SNTB2: variants seen among roughly 807,000 people sequenced by gnomAD.
The protein encoded by SNTB2 is beta-2-syntrophin.
A neutral mutation model predicts 46.2 loss-of-function variants in SNTB2; 34 were observed. The ratio of observed to expected loss-of-function variants is 0.74; its 90% CI spans 0.56 to 0.98. SNTB2 has a LOEUF of 0.98. Among genes scored for constraint, SNTB2 ranks in the 50% least tolerant of loss-of-function variants. The pLI, the probability that SNTB2 is intolerant of heterozygous loss-of-function variation, is 0.00. For missense variants in SNTB2, 603 were observed against 731.4 expected (o/e 0.82, Z 2.02); for synonymous variants, 290 against 312.6 (o/e 0.93, Z 0.76).
At chr16:69,244,606 A>G (rs904417513) in intron 1 of SNTB2, among the ~76,000 whole-genome samples, 3 of 152,202 alleles carry the variant, frequency 2.0e-5, no homozygotes, top group Non-Finnish European at 2.9e-5. Flanking sequence ...CAAGTATTTT[A>G]TGAGTTTTAA....
At chr16:69,219,776 G>T (rs1013458397) in intron 1 of SNTB2, among the ~76,000 whole-genome samples, 3 of 150,434 alleles carry the variant, frequency 2.0e-5, no homozygotes. Context: ...TTTGGAGATG[G>T]AGTCTCACTG....
intron 1 of SNTB2, among the ~76,000 whole-genome samples, chr16:69,197,211 A>G (rs942873099): frequency 3.9e-5 from 6 of 152,242 alleles, no homozygotes; most frequent in African/African-American, 1.4e-4. Context: ...TTCATACATT[A>G]TAAGTGGTAG....
rs190670605 is a variant in SNTB2 at position 69,288,679 on chromosome 16, T to C, written c.1345+4435T>C. 9.6e-4 allele frequency among the ~76,000 whole-genome samples: 147 copies of C among 152,344 alleles called. 2 individuals are homozygous for C. Among genetic ancestry groups the C allele is most frequent in the Middle Eastern group, 6.8e-3 (2 of 294 alleles). The stretch of plus-strand genomic sequence containing the variant: ...GAACTACTGTATGATCTAGCAATCC[T>C]ACTATTGAGTATTTATCCAAAAGAA... On this transcript the variant is annotated intron_variant, in intron 5 of 6. Coordinates refer to ENST00000336278, the MANE Select transcript of SNTB2 (RefSeq NM_006750.4).
At chr16:69,231,385 TG>T (rs1964504953) in intron 1 of SNTB2, among the ~76,000 whole-genome samples, 1 of 151,886 alleles carries the variant, frequency 6.6e-6, no homozygotes, top group African/African-American at 2.4e-5. Flanking sequence ...GGTGGGGAGA[TG>T]GAGACCAGCC....
intron 2 of SNTB2, among the ~76,000 whole-genome samples, chr16:69,259,600 A>G (rs1410593245): frequency 5.3e-5 from 7 of 132,850 alleles, no homozygotes; most frequent in Non-Finnish European, 4.8e-5. Context: ...AAGAGAAAGT[A>G]TCTTTTTTTT....
At chr16:69,270,371 G>T in intron 4 of SNTB2, 86 bp downstream of exon 4, 1 of 1,532,100 alleles carries the variant, frequency 6.5e-7, no homozygotes, top group Non-Finnish European at 8.9e-7. Context: ...TGTTATCTTA[G>T]GTGCCTAAAA....
At chr16:69,219,713 ATTTTATTTTG>A (rs1424162502) in intron 1 of SNTB2, among the ~76,000 whole-genome samples, 4,323 of 148,262 alleles carry the variant, frequency 0.029, 197 homozygotes, top group African/African-American at 0.1. Context: ...ACCAGATTTT[ATTTTATTTTG>A]TTTTGTTTTG....
intron 1 of SNTB2, among the ~76,000 whole-genome samples, chr16:69,200,376 A>G (rs562697198): frequency 1.4e-4 from 22 of 152,182 alleles, no homozygotes; most frequent in African/African-American, 5.1e-4. Flanking sequence ...CAGGCATTCT[A>G]CTCCTCCAGA....
intron 5 of SNTB2, among the ~76,000 whole-genome samples, chr16:69,284,459 T>TAAAAAAAAAAAA (rs3087058): frequency 4.4e-5 from 2 of 45,866 alleles, no homozygotes; most frequent in African/African-American, 1.7e-4. Context: ...CCGTCTTTAC[T>TAAAAAAAAAAAA]AAAAAAAAAA....
At chr16:69,215,721 C>T (rs1964340124) in intron 1 of SNTB2, among the ~76,000 whole-genome samples, 1 of 152,146 alleles carries the variant, frequency 6.6e-6, no homozygotes, top group African/African-American at 2.4e-5. Context: ...CTTTAGAGTC[C>T]TGGCTTGCTT....
intron 2 of SNTB2, among the ~76,000 whole-genome samples, chr16:69,255,709 C>G (rs1411569763): frequency 6.6e-6 from 1 of 151,370 alleles, no homozygotes; most frequent in African/African-American, 2.4e-5. Flanking sequence ...GGTGAATCCC[C>G]CACTCTACTA....
intron 3 of SNTB2, among the ~76,000 whole-genome samples, chr16:69,266,427 A>T (rs1469448269): frequency 6.6e-6 from 1 of 152,082 alleles, no homozygotes; most frequent in Non-Finnish European, 1.5e-5. Context: ...CAGAATGATT[A>T]AACTTAGTTT....
chr16:69,292,368 ATATATATATATT>A (rs1965170130), intron 5 of SNTB2, among the ~76,000 whole-genome samples: 1 of 26,374 alleles, frequency 3.8e-5, no homozygotes, highest in African/African-American at 1.7e-4. Context: ...ATATATATAT[ATATATATATATT>A]ATATATATAT....
chr16:69,258,432 G>A (rs781326137), intron 2 of SNTB2, among the ~76,000 whole-genome samples: 98 of 151,512 alleles, frequency 6.5e-4, no homozygotes, highest in Middle Eastern at 3.4e-3. Context: ...TTTTCTAAAG[G>A]TTACTTTTGA....
chr16:69,226,986 A>G (rs569736163), intron 1 of SNTB2, among the ~76,000 whole-genome samples: 45 of 152,332 alleles, frequency 3.0e-4, no homozygotes, highest in African/African-American at 1.1e-3. Context: ...AGATAAGATT[A>G]TACATATAGA....
intron 5 of SNTB2, among the ~76,000 whole-genome samples, chr16:69,298,975 A>G (rs1334157993): frequency 6.6e-6 from 1 of 152,122 alleles, no homozygotes; most frequent in African/African-American, 2.4e-5. Flanking sequence ...TGAGTTTACA[A>G]AGTCCTTGAG....
chr16:69,264,882 G>A (rs1234089503), intron 3 of SNTB2, among the ~76,000 whole-genome samples: 1 of 152,176 alleles, frequency 6.6e-6, no homozygotes, highest in African/African-American at 2.4e-5. Context: ...AACATCAGAT[G>A]ATTCAAGACG....
At chr16:69,225,563 T>C (rs895731688) in intron 1 of SNTB2, among the ~76,000 whole-genome samples, 2 of 152,276 alleles carry the variant, frequency 1.3e-5, no homozygotes, top group African/African-American at 4.8e-5. Flanking sequence ...CAATTATGTG[T>C]AACATTGTAT....
chr16:69,231,533 G>C (rs528763556), intron 1 of SNTB2, among the ~76,000 whole-genome samples: 71 of 152,206 alleles, frequency 4.7e-4, no homozygotes, highest in Non-Finnish European at 9.6e-4. Context: ...AGGTTGCAGA[G>C]AGCCGAGATA....
Sources: gnomAD v4.1 joint callset for allele counts (sites outside exome capture counted in the v4.1 genomes callset) on GRCh38, gnomAD v4.1.1 for gene constraint, MANE v1.5 for transcripts, NCBI Gene and HGNC (gene_info 2026-07-23, HGNC 2026-07-21) for gene names.